Variants in C1QTNF7 observed in about 807,000 individuals in gnomAD.
C1QTNF7 encodes the protein C1q and TNF related 7.
C1QTNF7 carries 15 observed loss-of-function variants against 19.6 expected under a neutral mutation model. The ratio of observed to expected loss-of-function variants is 0.76; its 90% CI spans 0.51 to 1.18. The LOEUF is 1.18. Ranked by LOEUF, C1QTNF7 falls within the 50% of genes most tolerant of loss-of-function variation. The pLI is 0.00. For missense variants in C1QTNF7, 324 were observed against 359.7 expected, an observed-to-expected ratio of 0.90 and a Z score of 0.80; for synonymous variants, 142 against 137.5, an observed-to-expected ratio of 1.03 and a Z score of -0.23.
rs1390164591 is a variant in C1QTNF7 at position 15,445,712 on chromosome 4, GAA to G, written c.*2915_*2916del. 1 of 152,172 alleles carries G rather than the reference GAA, an allele frequency of 6.6e-6. No homozygotes were observed. Among genetic ancestry groups the G allele is most frequent in the African/African-American group, 2.4e-5 (1 of 41,464 alleles). 9.4% of individuals were successfully genotyped at this position (152,172 alleles called of 1,614,324 possible). A position where few individuals can be genotyped will look rare whatever the true frequency, so the allele number is the denominator to read the frequency against. On this transcript the variant is annotated 3_prime_UTR_variant, in exon 3 of 3. Transcript: ENST00000444304. ...CCACATTTGTAAATATTTGTATAAA[GAA>G]AGTAGCAAAACAGTTTTGGTTTAAA...
intron 1 of C1QTNF7, among the ~76,000 whole-genome samples, chr4:15,402,506 T>C (rs1388403266): frequency 6.6e-6 from 1 of 152,158 alleles, no homozygotes; most frequent in East Asian, 1.9e-4. Context: ...TGGGAATTAT[T>C]TGACAGAAAA....
chr4:15,417,653 A>G (rs1326317342), intron 1 of C1QTNF7, among the ~76,000 whole-genome samples: 1 of 152,176 alleles, frequency 6.6e-6, no homozygotes, highest in East Asian at 1.9e-4. Context: ...GATACTTGAG[A>G]GGCTGAGGTA....
At chr4:15,397,232 C>T (rs1577256438) in intron 1 of C1QTNF7, among the ~76,000 whole-genome samples, 1 of 152,276 alleles carries the variant, frequency 6.6e-6, no homozygotes, top group East Asian at 1.9e-4. Context: ...GGGACACAGC[C>T]AAACCATATC....
At chr4:15,413,247 A>G (rs1428145852) in intron 1 of C1QTNF7, among the ~76,000 whole-genome samples, 1 of 152,194 alleles carries the variant, frequency 6.6e-6, no homozygotes, top group African/African-American at 2.4e-5. Context: ...TTCCGTGGTT[A>G]CCTATCTATG....
chr4:15,375,949 A>T (rs749062888), intron 1 of C1QTNF7, among the ~76,000 whole-genome samples: 4 of 152,210 alleles, frequency 2.6e-5, no homozygotes, highest in Non-Finnish European at 4.4e-5. Flanking sequence ...GTCAGCACAC[A>T]CATAAGCTGC....
chr4:15,371,601 C>T (rs4302460), intron 1 of C1QTNF7, among the ~76,000 whole-genome samples: 71,908 of 151,906 alleles, frequency 0.47, 18,321 homozygotes, highest in African/African-American at 0.66. Context: ...TAAAATGACA[C>T]TTATGACATC....
chr4:15,362,503 A>C (rs970814017), intron 1 of C1QTNF7: 2 of 152,188 alleles, frequency 1.3e-5, no homozygotes, highest in African/African-American at 4.8e-5. Context: ...AGTTCTTCAG[A>C]GCATTTGTGT....
intron 1 of C1QTNF7, among the ~76,000 whole-genome samples, chr4:15,341,986 G>C (rs1043045904): frequency 6.6e-6 from 1 of 152,222 alleles, no homozygotes; most frequent in Non-Finnish European, 1.5e-5. Flanking sequence ...CCACCCCAGG[G>C]CCCCAGAGGG....
Position 15,442,328 on chromosome 4 carries a change from G to C in C1QTNF7, c.399G>C (p.Pro133=), listed in dbSNP as rs150846082. The change falls in exon 3 of 3, where the codon CCG becomes CCC. Residue 133 remains proline, a synonymous_variant. Coordinates refer to ENST00000444304, the MANE Select transcript of C1QTNF7 (RefSeq NM_031911.5). The part of the protein sequence containing the change: ...PKGDRGEQGD[P]GLPGVCRCGS... Reference sequence around the variant, plus strand: ...GAGACAGAGGAGAACAAGGGGACCCGGGGCTGCCTGGAGTTTGCAGATGTG... The same window carrying C: ...GAGACAGAGGAGAACAAGGGGACCCCGGGCTGCCTGGAGTTTGCAGATGTG... 355 of 1,613,934 alleles carry C rather than the reference G, an allele frequency of 2.2e-4. 2 individuals carry two copies. The highest frequency in any genetic ancestry group is 2.0e-4 in the Non-Finnish European group (231 of 1,180,006).
intron 1 of C1QTNF7, among the ~76,000 whole-genome samples, chr4:15,414,548 A>G (rs1719518968): frequency 6.6e-6 from 1 of 151,910 alleles, no homozygotes; most frequent in Non-Finnish European, 1.5e-5. Flanking sequence ...TGTGACAAAA[A>G]GAGAGTTCTG....
chr4:15,341,855 C>G (rs760901429), intron 1 of C1QTNF7, among the ~76,000 whole-genome samples: 1 of 152,154 alleles, frequency 6.6e-6, no homozygotes. Context: ...ACCCTGGGGA[C>G]GGGTGCGGCA....
intron 1 of C1QTNF7, among the ~76,000 whole-genome samples, chr4:15,403,529 C>T (rs1719070281): frequency 6.6e-6 from 1 of 152,136 alleles, no homozygotes; most frequent in African/African-American, 2.4e-5. Flanking sequence ...CACAACATTC[C>T]CATGTCTGCC....
chr4:15,356,232 G>A (rs7654487), intron 1 of C1QTNF7, among the ~76,000 whole-genome samples: 71,200 of 151,750 alleles, frequency 0.47, 17,970 homozygotes, highest in African/African-American at 0.65. Flanking sequence ...GTATTTCTCC[G>A]AATGCTATCC....
rs147109023 is a variant in C1QTNF7, at chr4:15,378,756, A to G, written c.13+38549A>G. Among the ~76,000 whole-genome samples, 776 of 152,288 alleles carry G rather than the reference A, an allele frequency of 5.1e-3. 4 individuals carry two copies. Among genetic ancestry groups the G allele is most frequent in the Middle Eastern group, 0.017 (5 of 294 alleles). On this transcript the variant is annotated intron_variant, in intron 1 of 2. Coordinates refer to the C1QTNF7 transcript ENST00000295297. Reference sequence around the variant, plus strand: ...AAGCTGCCAGAAGTCAGTCAATCCAACACTCTATTAGCCAAGAACTAATAG... The same window carrying G: ...AAGCTGCCAGAAGTCAGTCAATCCAGCACTCTATTAGCCAAGAACTAATAG...
At chr4:15,409,346 G>A (rs957513955) in intron 1 of C1QTNF7, among the ~76,000 whole-genome samples, 2 of 152,144 alleles carry the variant, frequency 1.3e-5, no homozygotes, top group Non-Finnish European at 2.9e-5. Context: ...GTTAAAAATC[G>A]AGATTTTCAA....
At chr4:15,346,647 A>G (rs1716726791) in intron 1 of C1QTNF7, among the ~76,000 whole-genome samples, 1 of 152,204 alleles carries the variant, frequency 6.6e-6, no homozygotes, top group South Asian at 2.1e-4. Flanking sequence ...CACTCTAAAA[A>G]TCTAATTTGA....
At chr4:15,340,604 A>G (rs899146951) in intron 1 of C1QTNF7, among the ~76,000 whole-genome samples, 1 of 152,134 alleles carries the variant, frequency 6.6e-6, no homozygotes, top group Non-Finnish European at 1.5e-5. Context: ...TGATTCTTCT[A>G]TTAACTTGGA....
chr4:15,437,586 T>C lies in C1QTNF7; in HGVS notation c.238+1605T>C, dbSNP rs575164948. ...GGATATGCATTCAGATTAAATTAAA[T>C]GTTCAGAACTGCTACAGTTTTAACC... On this transcript the variant is annotated intron_variant, in intron 2 of 2. Transcript: ENST00000444304. 2.6e-5 allele frequency among the ~76,000 whole-genome samples: 4 copies of C among 152,372 alleles called. No individual in the cohort carries two copies. In the South Asian group the frequency reaches 6.2e-4, roughly 24 times the overall value.
upstream of C1QTNF7, among the ~76,000 whole-genome samples, chr4:15,424,280 C>G (rs1033599976): frequency 6.6e-6 from 1 of 152,210 alleles, no homozygotes; most frequent in African/African-American, 2.4e-5. Context: ...ACTCTTCCCC[C>G]ATCTCCTGCC....
Sources: gnomAD v4.1 joint callset for allele counts (sites outside exome capture counted in the v4.1 genomes callset) on GRCh38, gnomAD v4.1.1 for gene constraint, MANE v1.5 for transcripts, NCBI Gene and HGNC (gene_info 2026-07-23, HGNC 2026-07-21) for gene names.